The following PPHLN1 variants were observed in gnomAD, a reference collection of about 807,000 sequenced individuals.
PPHLN1 encodes periphilin 1, also known as periphilin-1.
Under a neutral mutation model 51.3 loss-of-function variants are expected in PPHLN1, and 29 were observed. The ratio of observed to expected loss-of-function variants is 0.57; its 90% confidence interval spans 0.42 to 0.77. The LOEUF (loss-of-function observed/expected upper bound fraction) is 0.77, where lower values mean the gene tolerates loss of function less well. Among genes scored for constraint, PPHLN1 ranks in the 30% least tolerant of loss-of-function variants. PPHLN1 has a pLI of 0.00. For synonymous variants in PPHLN1, 147 were observed against 147.8 expected (o/e 0.99, Z 0.04); for missense variants, 436 against 438.4 (o/e 0.99, Z 0.05).
At chr12:42,436,474 G>A (rs2082495302) in intron 9 of PPHLN1, among the ~76,000 whole-genome samples, 1 of 152,130 alleles carries the variant, frequency 6.6e-6, no homozygotes, top group Non-Finnish European at 1.5e-5. Flanking sequence ...TTGATAGTTG[G>A]TTCTGGTTGT....
At chr12:42,329,163 G>GC (rs994728462) in intron 1 of PPHLN1, among the ~76,000 whole-genome samples, 2 of 150,284 alleles carry the variant, frequency 1.3e-5, no homozygotes, top group African/African-American at 4.9e-5. Context: ...GTGCAGTGGC[G>GC]CGATCTTGGC....
At chr12:42,438,603 TTTTTG>T (rs1326282861) in intron 9 of PPHLN1, among the ~76,000 whole-genome samples, 1 of 152,134 alleles carries the variant, frequency 6.6e-6, no homozygotes, top group Non-Finnish European at 1.5e-5. Context: ...TTGTTTTTTG[TTTTTG>T]TTTTGTTTTT....
In PPHLN1 at chr12:42,441,106, C is replaced by T. The variant is rs1020158101; in HGVS notation, c.910-209C>T. Among the ~76,000 whole-genome samples, 125 of 152,134 alleles carry T rather than the reference C, an allele frequency of 8.2e-4. 2 individuals carry two copies. The highest frequency in any genetic ancestry group is 7.9e-3 in the Admixed American group (121 of 15,264). On this transcript the variant is annotated intron_variant, in intron 9 of 9. Transcript: ENST00000358314. The stretch of plus-strand genomic sequence containing the variant: ...AGTAATGTAGTTTGTTAATGTTTTC[C>T]TTCTCATTCAGGTATTGTCAGCAGA...
chr12:42,356,853 G>A (rs1168440253), intron 4 of PPHLN1, among the ~76,000 whole-genome samples: 1 of 152,004 alleles, frequency 6.6e-6, no homozygotes, highest in Non-Finnish European at 1.5e-5. Context: ...ACAGTAAAGC[G>A]AAAAATAAAT....
At chr12:42,366,949 A>G (rs1420176313) in intron 4 of PPHLN1, among the ~76,000 whole-genome samples, 1 of 152,168 alleles carries the variant, frequency 6.6e-6, no homozygotes, top group African/African-American at 2.4e-5. Flanking sequence ...TCTTATCTTC[A>G]TGAACAAGTT....
intron 9 of PPHLN1, among the ~76,000 whole-genome samples, chr12:42,417,160 G>A (rs184069616): frequency 1.4e-4 from 21 of 152,250 alleles, no homozygotes; most frequent in Admixed American, 9.8e-4. Flanking sequence ...CTTAGCGACC[G>A]ATTTGTCTGT....
chr12:42,355,063 T>C lies in PPHLN1; in HGVS notation c.238-98T>C, dbSNP rs1254317756. On this transcript the variant is annotated intron_variant, in intron 3 of 9. Transcript: ENST00000358314. Reference sequence around the variant, plus strand: ...TTTCCCTTTTTATGCCTTTGAAGTTTAGGGAAATTCGGTCTAGTTTCTGGT... The same window carrying C: ...TTTCCCTTTTTATGCCTTTGAAGTTCAGGGAAATTCGGTCTAGTTTCTGGT... The C allele has an allele frequency of 7.3e-6, 8 of 1,095,096 alleles. No homozygotes were observed. The African/African-American group carries it at 1.1e-4, about 15-fold the overall frequency. 67.8% of individuals were successfully genotyped at this position (1,095,096 alleles called of 1,614,324 possible).
intron 5 of PPHLN1, among the ~76,000 whole-genome samples, chr12:42,377,224 C>T (rs1252828211): frequency 6.6e-6 from 1 of 151,930 alleles, no homozygotes; most frequent in African/African-American, 2.4e-5. Context: ...CTACTCTAAG[C>T]ACTAATGAAT....
At chr12:42,432,319 A>G (rs1476218549) in intron 9 of PPHLN1, 2 of 743,902 alleles carry the variant, frequency 2.7e-6, no homozygotes, top group Admixed American at 1.8e-5. Flanking sequence ...ATGGCTGCTC[A>G]TTAATCTGTA....
chr12:42,394,990 T>A (rs1267132132), intron 8 of PPHLN1, among the ~76,000 whole-genome samples: 1 of 152,126 alleles, frequency 6.6e-6, no homozygotes, highest in Non-Finnish European at 1.5e-5. Flanking sequence ...TATTAATTTA[T>A]GAACATTAAT....
At chr12:42,359,091 A>C (rs1247259230) in intron 4 of PPHLN1, among the ~76,000 whole-genome samples, 1 of 152,142 alleles carries the variant, frequency 6.6e-6, no homozygotes, top group African/African-American at 2.4e-5. Flanking sequence ...ATATATAGTA[A>C]TTTACACAGA....
At chr12:42,372,820 T>C (rs1311683942) in intron 4 of PPHLN1, among the ~76,000 whole-genome samples, 1 of 152,244 alleles carries the variant, frequency 6.6e-6, no homozygotes, top group Non-Finnish European at 1.5e-5. Flanking sequence ...CATCAAAATG[T>C]GGACCTCTCA....
Position 42,345,596 on chromosome 12 carries a change from T to C in PPHLN1, c.73-6289T>C, listed in dbSNP as rs11181446. Among the ~76,000 whole-genome samples the C allele has an allele frequency of 4.6e-5, 7 of 150,976 alleles. No individual in the cohort carries two copies. The East Asian group carries it at 1.2e-3, about 25-fold the overall frequency. On this transcript the variant is annotated intron_variant, in intron 2 of 9. Coordinates refer to ENST00000358314, the MANE Select transcript of PPHLN1 (RefSeq NM_201439.2). Reference sequence around the variant, plus strand: ...CTGATCTTTTTAATAAGGATACTTATATAATCATTAATATGTAGATATATA... The same window carrying C: ...CTGATCTTTTTAATAAGGATACTTACATAATCATTAATATGTAGATATATA...
intron 2 of PPHLN1, among the ~76,000 whole-genome samples, chr12:42,342,376 TC>T (rs1307796758): frequency 6.6e-6 from 1 of 152,302 alleles, no homozygotes; most frequent in African/African-American, 2.4e-5. Flanking sequence ...CACCTTGGCC[TC>T]CCAGATCGTT....
intron 2 of PPHLN1, among the ~76,000 whole-genome samples, chr12:42,346,903 T>C (rs1055438932): frequency 6.6e-6 from 1 of 152,178 alleles, no homozygotes; most frequent in African/African-American, 2.4e-5. Flanking sequence ...TTATTATTAC[T>C]TGGAGATGGC....
At chr12:42,371,263 G>A (rs1328712842) in intron 4 of PPHLN1, among the ~76,000 whole-genome samples, 1 of 151,992 alleles carries the variant, frequency 6.6e-6, no homozygotes, top group Non-Finnish European at 1.5e-5. Context: ...GGGAGTACCA[G>A]TGGGTGCCAC....
chr12:42,443,423 T>A (rs1384748229), downstream of PPHLN1: 1 of 152,242 alleles, frequency 6.6e-6, no homozygotes, highest in Non-Finnish European at 1.5e-5. Context: ...TACGAAAGGA[T>A]TAATTAAGGC....
intron 9 of PPHLN1, among the ~76,000 whole-genome samples, chr12:42,404,635 C>T (rs2079132848): frequency 6.6e-6 from 1 of 152,186 alleles, no homozygotes; most frequent in Non-Finnish European, 1.5e-5. Context: ...GACTATTTGC[C>T]TCTTACCTCT....
At chr12:42,339,152 C>T (rs1317503186) in intron 2 of PPHLN1, among the ~76,000 whole-genome samples, 3 of 152,182 alleles carry the variant, frequency 2.0e-5, no homozygotes, top group South Asian at 4.1e-4. Context: ...ACCTTACTTC[C>T]TTAAGTTAAC....
Sources: gnomAD v4.1 joint callset for allele counts (sites outside exome capture counted in the v4.1 genomes callset) on GRCh38, gnomAD v4.1.1 for gene constraint, MANE v1.5 for transcripts, NCBI Gene and HGNC (gene_info 2026-07-23, HGNC 2026-07-21) for gene names.